The following DDX31 variants were observed in gnomAD, a reference collection of about 807,000 sequenced individuals.
The protein encoded by DDX31 is ATP-dependent DNA helicase DDX31.
In DDX31, 70 loss-of-function variants were observed where a neutral mutation model predicts 91.3. That is an observed-to-expected ratio of 0.77 (90% CI 0.63 to 0.94). The LOEUF (loss-of-function observed/expected upper bound fraction) is 0.94. Ranked by LOEUF, DDX31 falls within the 40% of genes least tolerant of loss-of-function variation. The pLI, the probability that DDX31 is intolerant of heterozygous loss-of-function variation, is 0.00. For missense variants in DDX31, 902 were observed against 925.0 expected (o/e 0.98, Z 0.32); for synonymous variants, 362 against 350.6 (o/e 1.03, Z -0.36).
At chr9:132,642,189 CAGGA>C (rs1174387027) in intron 13 of DDX31, 126 bp from the exon 14 acceptor site, 2 of 828,836 alleles carry the variant, frequency 2.4e-6, no homozygotes, top group Admixed American at 2.3e-5. Context: ...AGAGGTTTGC[CAGGA>C]AAGAGGAAGA....
chr9:132,604,066 G>A (rs560397443), intron 19 of DDX31, among the ~76,000 whole-genome samples: 3 of 152,320 alleles, frequency 2.0e-5, no homozygotes, highest in Admixed American at 6.5e-5. Context: ...GCACCTGACC[G>A]TAGAAGGAAG....
chr9:132,601,681 G>A (rs1432199747), intron 19 of DDX31, among the ~76,000 whole-genome samples: 5 of 152,228 alleles, frequency 3.3e-5, no homozygotes, highest in Non-Finnish European at 7.3e-5. Flanking sequence ...CAGATAGGAT[G>A]GGTGGAGCCG....
chr9:132,613,209 T>A (rs555457437), intron 18 of DDX31, among the ~76,000 whole-genome samples: 2 of 152,276 alleles, frequency 1.3e-5, no homozygotes, highest in Non-Finnish European at 2.9e-5. Context: ...AAAACCAAGT[T>A]CATTCTAAAA....
intron 13 of DDX31, 69 bp from the exon 14 acceptor site, chr9:132,642,132 C>T (rs1324666638): frequency 1.4e-6 from 2 of 1,381,598 alleles, no homozygotes; most frequent in East Asian, 2.3e-5. Context: ...GCTTACATCT[C>T]CCTAGCTCTC....
chr9:132,651,000 G>T, intron 8 of DDX31, 75 bp downstream of exon 8: 1 of 1,309,610 alleles, frequency 7.6e-7, no homozygotes, highest in South Asian at 1.3e-5. Flanking sequence ...TGAAAATAAA[G>T]AATAGACTGT....
At chr9:132,651,143 G>A (rs777570800) in intron 7 of DDX31, 27 bp from the exon 8 acceptor site, 1 of 1,569,300 alleles carries the variant, frequency 6.4e-7, no homozygotes, top group Non-Finnish European at 8.7e-7. Flanking sequence ...AGTTATAGAT[G>A]ATGAACAGGA....
intron 14 of DDX31, among the ~76,000 whole-genome samples, chr9:132,634,868 A>AAGAT (rs1238370005): frequency 6.6e-6 from 1 of 152,012 alleles, no homozygotes; most frequent in Non-Finnish European, 1.5e-5. Flanking sequence ...ACCACGCCTT[A>AAGAT]AGATGCCTCT....
chr9:132,595,064 G>A lies in DDX31; in HGVS notation c.2043C>T (p.Ile681=). ...KTQSKHSLAE[I]LRSEYSSGME... Reference sequence around the variant, plus strand: ...TGCCGCTTGAGTATTCCGAACGTAGGATTTCAGCGAGGCTGTGTTTACTCT... The same window carrying A: ...TGCCGCTTGAGTATTCCGAACGTAGAATTTCAGCGAGGCTGTGTTTACTCT... The change falls in exon 20 of 20, where the codon ATC becomes ATT. Residue 681 remains isoleucine, a synonymous_variant. Transcript: ENST00000372159. The surrounding 1 kb of genome is among the most constrained non-coding windows in gnomAD (Gnocchi z 4.6). 3 of 1,614,216 alleles carry A rather than the reference G, an allele frequency of 1.9e-6. No homozygotes were observed. The highest frequency in any genetic ancestry group is 2.5e-6 in the Non-Finnish European group (3 of 1,180,034).
chr9:132,656,283 G>C (rs1834558243), intron 6 of DDX31, among the ~76,000 whole-genome samples: 1 of 152,138 alleles, frequency 6.6e-6, no homozygotes, highest in Admixed American at 6.6e-5. Context: ...ATTATTACTT[G>C]AAATAAGTGA....
At position 132,642,109 on chromosome 9, in the gene DDX31, T is replaced by A. The variant is rs771069369; in HGVS notation, c.1381-46A>T. ...AGAGCCTTACAACTCAGAGACAAAC[T>A]CCAGCAAGGTAGGCTTACATCTCCC... On this transcript the variant is annotated intron_variant, in intron 13 of 19. Coordinates refer to ENST00000372159, the MANE Select transcript of DDX31 (RefSeq NM_022779.9). The A allele has an allele frequency of 1.0e-5, 16 of 1,567,376 alleles. No individual in the cohort carries two copies. The South Asian group carries it at 1.4e-4, about 14-fold the overall frequency.
At chr9:132,619,472 CCTCA>C (rs1303653518) in intron 17 of DDX31, among the ~76,000 whole-genome samples, 1 of 152,152 alleles carries the variant, frequency 6.6e-6, no homozygotes, top group Non-Finnish European at 1.5e-5. Context: ...CTGCATCTGG[CCTCA>C]CTAAGACTCC....
intron 17 of DDX31, among the ~76,000 whole-genome samples, chr9:132,619,738 T>C (rs987360387): frequency 2.6e-5 from 4 of 152,154 alleles, no homozygotes; most frequent in African/African-American, 9.7e-5. Context: ...TCAGGAGCCG[T>C]GTTACCAAAG....
At chr9:132,632,198 AGTACATGCACATTC>A in intron 14 of DDX31, 107 bp from the exon 15 acceptor site, 1 of 805,680 alleles carries the variant, frequency 1.2e-6, no homozygotes, top group Non-Finnish European at 1.9e-6. Flanking sequence ...ACCCGCCCAC[AGTACATGCACATTC>A]GGGCATACAC....
At chr9:132,651,525 G>A (rs1231198260) in intron 7 of DDX31, among the ~76,000 whole-genome samples, 1 of 152,130 alleles carries the variant, frequency 6.6e-6, no homozygotes, top group Admixed American at 6.5e-5. Flanking sequence ...ACGCAACAGG[G>A]TAGCCTCTGG....
At chr9:132,627,097 C>CT (rs1832443131) in intron 16 of DDX31, among the ~76,000 whole-genome samples, 1 of 152,066 alleles carries the variant, frequency 6.6e-6, no homozygotes, top group South Asian at 2.1e-4. Context: ...CTATTCATCA[C>CT]TTTTTTCTTG....
chr9:132,663,573 T>G, intron 1 of DDX31: 1 of 971,134 alleles, frequency 1.0e-6, no homozygotes, highest in Non-Finnish European at 1.2e-6. Context: ...GATTTACAAA[T>G]GAATATAAAA....
chr9:132,598,316 G>A (rs1297054010), intron 19 of DDX31, among the ~76,000 whole-genome samples: 2 of 152,228 alleles, frequency 1.3e-5, no homozygotes, highest in African/African-American at 2.4e-5. Context: ...CCAAGCTGCA[G>A]TGCTCCCAGG....
chr9:132,638,013 A>C (rs948267676), intron 14 of DDX31: 2 of 1,137,258 alleles, frequency 1.8e-6, no homozygotes, highest in Non-Finnish European at 1.1e-6. Flanking sequence ...AGTATGCTTC[A>C]AGCGGAAAAA....
At chr9:132,597,178 T>A (rs1461940749) in intron 19 of DDX31, among the ~76,000 whole-genome samples, 6 of 152,146 alleles carry the variant, frequency 3.9e-5, no homozygotes, top group Non-Finnish European at 8.8e-5. Flanking sequence ...TCTGAGAGCA[T>A]CCACCACTTC....
Sources: gnomAD v4.1 joint callset for allele counts (sites outside exome capture counted in the v4.1 genomes callset) on GRCh38, gnomAD v4.1.1 for gene constraint, Gnocchi (gnomAD v3.1) non-coding constraint, MANE v1.5 for transcripts, NCBI Gene and HGNC (gene_info 2026-07-23, HGNC 2026-07-21) for gene names.